Variants in ARHGAP29 observed in about 807,000 individuals in gnomAD.
ARHGAP29 encodes the protein Rho GTPase activating protein 29, also known as rho GTPase-activating protein 29.
In ARHGAP29, 43 loss-of-function variants were observed where a neutral mutation model predicts 122.6. That is an observed-to-expected ratio of 0.35 (90% CI 0.27 to 0.45). The LOEUF is 0.45. ARHGAP29 is among the 20% of genes least tolerant of loss of function. ARHGAP29 has a pLI of 1.00. For synonymous variants in ARHGAP29, 506 were observed against 497.1 expected, an observed-to-expected ratio of 1.02 and a Z score of -0.24; for missense variants, 1,303 against 1,477.2, an observed-to-expected ratio of 0.88 and a Z score of 1.93.
At chr1:94,221,239 GA>G (rs1311668803) in intron 2 of ARHGAP29, among the ~76,000 whole-genome samples, 1 of 152,096 alleles carries the variant, frequency 6.6e-6, no homozygotes, top group African/African-American at 2.4e-5. Flanking sequence ...AAGTAAATCA[GA>G]AAGTATAATC....
At position 94,203,829 on chromosome 1, in the gene ARHGAP29, G is replaced by A. The variant is rs985701542; in HGVS notation, c.762+101C>T. 40 of 917,826 alleles carry A rather than the reference G, an allele frequency of 4.4e-5. No individual in the cohort carries two copies. The Admixed American group carries it at 5.0e-4, about 11-fold the overall frequency. 56.9% of individuals were successfully genotyped at this position (917,826 alleles called of 1,614,324 possible). ...TGTCAATAAAAAGATCAGCATTTAA[G>A]TGCTTTCCTATATTAACTGAAATAT... On this transcript the variant is annotated intron_variant, in intron 8 of 22. Coordinates refer to ENST00000260526, the MANE Select transcript of ARHGAP29 (RefSeq NM_004815.4).
chr1:94,201,703 C>T lies in ARHGAP29; in HGVS notation c.1281+17G>A, dbSNP rs2101501769. ...GTCTTTTCTTCTTGCCTTCAAAATA[C>T]TGAAGAAATTACTTACAGCTTTAAG... On this transcript the variant is annotated intron_variant, in intron 12 of 22. Coordinates refer to ENST00000260526, the MANE Select transcript of ARHGAP29 (RefSeq NM_004815.4). 1.2e-6 allele frequency: 2 copies of T among 1,612,934 alleles called. No individual in the cohort carries two copies. The highest frequency in any genetic ancestry group is 2.2e-5 in the South Asian group (2 of 90,722).
At chr1:94,203,058 C>A in intron 9 of ARHGAP29, 42 bp downstream of exon 9, 1 of 1,595,790 alleles carries the variant, frequency 6.3e-7, no homozygotes, top group Non-Finnish European at 8.5e-7. Flanking sequence ...CATGCCATTG[C>A]TTAAAAATAA....
At chr1:94,205,292 T>G in intron 6 of ARHGAP29, 94 bp from the exon 7 acceptor site, 1 of 1,039,266 alleles carries the variant, frequency 9.6e-7, no homozygotes, top group East Asian at 3.0e-5. Context: ...TACTAGTCAA[T>G]AAAAACTGGT....
At chr1:94,299,911 A>G in the ARHGAP29 span, among the ~76,000 whole-genome samples, 3 of 152,238 alleles carry the variant, frequency 2.0e-5, no homozygotes, top group Non-Finnish European at 4.4e-5. Context: ...TCTTAGCTTT[A>G]TGTGTAGAGA....
chr1:94,258,396 T>G (rs1440528956), intron 1 of ARHGAP29, among the ~76,000 whole-genome samples: 1 of 152,210 alleles, frequency 6.6e-6, no homozygotes, highest in Non-Finnish European at 1.5e-5. Flanking sequence ...AATTCCAAAT[T>G]TTTAAAATTG....
At position 94,177,592 on chromosome 1, in the gene ARHGAP29, T is replaced by C; in HGVS notation, c.2905+20A>G. On this transcript the variant is annotated intron_variant, in intron 22 of 22. Transcript: ENST00000260526. ...AATTTTAAGCCAGCAAACATATTTT[T>C]TTTTTACATGGCTACTCACCACTGA... 1 of 1,571,496 alleles carries C rather than the reference T, an allele frequency of 6.4e-7. No individual in the cohort carries two copies. Among genetic ancestry groups the C allele is most frequent in the Non-Finnish European group, 8.6e-7 (1 of 1,157,414 alleles).
chr1:94,232,829 T>C (rs1047784350), intron 1 of ARHGAP29, among the ~76,000 whole-genome samples: 5 of 152,154 alleles, frequency 3.3e-5, no homozygotes, highest in African/African-American at 1.2e-4. Context: ...TCACACTTTA[T>C]TATTAACACT....
At chr1:94,229,385 G>A (rs1557876662) in intron 2 of ARHGAP29, among the ~76,000 whole-genome samples, 1 of 151,568 alleles carries the variant, frequency 6.6e-6, no homozygotes, top group Non-Finnish European at 1.5e-5. Flanking sequence ...TTAAAAACAA[G>A]CACAATATTA....
At chr1:94,273,242 A>G (rs945841534) in intron 1 of ARHGAP29, among the ~76,000 whole-genome samples, 2 of 152,228 alleles carry the variant, frequency 1.3e-5, no homozygotes, top group African/African-American at 2.4e-5. Flanking sequence ...CCATGATCAG[A>G]ATGAGAAATA....
chr1:94,288,784 G>T, the ARHGAP29 span, among the ~76,000 whole-genome samples: 1 of 152,078 alleles, frequency 6.6e-6, no homozygotes, highest in Non-Finnish European at 1.5e-5. Flanking sequence ...TTTTTGTCAG[G>T]TTTGTCAAAG....
At chr1:94,259,815 GAAAAAA>G (rs1654489959) in intron 1 of ARHGAP29, among the ~76,000 whole-genome samples, 1 of 152,096 alleles carries the variant, frequency 6.6e-6, no homozygotes, top group Non-Finnish European at 1.5e-5. Context: ...ACATGATAAA[GAAAAAA>G]ATTTAAATAC....
intron 1 of ARHGAP29, among the ~76,000 whole-genome samples, chr1:94,255,234 G>A (rs1304047913): frequency 6.6e-6 from 1 of 152,134 alleles, no homozygotes; most frequent in Non-Finnish European, 1.5e-5. Flanking sequence ...TGATTAGGAT[G>A]CCAACACACA....
chr1:94,210,501 G>T (rs1253863189), intron 3 of ARHGAP29, among the ~76,000 whole-genome samples: 1 of 152,176 alleles, frequency 6.6e-6, no homozygotes, highest in African/African-American at 2.4e-5. Flanking sequence ...TAAATCCCAT[G>T]AAATTGCAAC....
At chr1:94,247,739 T>C (rs1399164833) in intron 1 of ARHGAP29, 3 of 686,366 alleles carry the variant, frequency 4.4e-6, no homozygotes, top group Non-Finnish European at 5.4e-6. Context: ...GCCGCCGCCT[T>C]TGCAGCTACC....
chr1:94,282,509 C>G, the ARHGAP29 span, among the ~76,000 whole-genome samples: 6 of 152,052 alleles, frequency 3.9e-5, no homozygotes. Flanking sequence ...CTCCTGGCCT[C>G]AAGCGATCCT....
chr1:94,201,873 A>AG lies in ARHGAP29; in HGVS notation c.1144-17dup. The AG allele has an allele frequency of 7.2e-7, 1 of 1,393,186 alleles. No individual in the cohort carries two copies. Among genetic ancestry groups the AG allele is most frequent in the Non-Finnish European group, 9.4e-7 (1 of 1,063,288 alleles). 86.3% of individuals were successfully genotyped at this position (1,393,186 alleles called of 1,614,324 possible). On this transcript the variant is annotated splice_polypyrimidine_tract_variant and intron_variant, in intron 11 of 22. Coordinates refer to ENST00000260526, the MANE Select transcript of ARHGAP29 (RefSeq NM_004815.4). ...CTTCTTCTACCTTCACAAATATCAC[A>AG]GAAAAAAAAATAACACTAGAATTTA... is the stretch of plus-strand genomic sequence containing the variant.
At chr1:94,314,323 A>C in the ARHGAP29 span, among the ~76,000 whole-genome samples, 1 of 152,170 alleles carries the variant, frequency 6.6e-6, no homozygotes, top group Non-Finnish European at 1.5e-5. Context: ...TCTCAGAGTC[A>C]TTGCATTAGG....
chr1:94,222,679 AGGAAATCTAT>A (rs1207272302), intron 2 of ARHGAP29, among the ~76,000 whole-genome samples: 1 of 152,172 alleles, frequency 6.6e-6, no homozygotes, highest in Non-Finnish European at 1.5e-5. Flanking sequence ...AGAATATTAG[AGGAAATCTAT>A]GGAAATCTGA....
Sources: allele counts gnomAD v4.1 joint callset (sites outside exome capture counted in the v4.1 genomes callset), GRCh38; gene constraint gnomAD v4.1.1; transcripts MANE v1.5; gene names NCBI Gene and HGNC (gene_info 2026-07-23, HGNC 2026-07-21).